The following SLC4A4 variants were observed in gnomAD, a reference collection of about 807,000 sequenced individuals.
The protein encoded by SLC4A4 is solute carrier family 4 member 4.
A neutral mutation model predicts 111.5 loss-of-function variants in SLC4A4; 27 were observed. The ratio of observed to expected loss-of-function variants is 0.24; its 90% CI spans 0.18 to 0.33. The LOEUF (loss-of-function observed/expected upper bound fraction) is 0.33, where lower values mean the gene tolerates loss of function less well. Among genes scored for constraint, SLC4A4 ranks in the 10% least tolerant of loss-of-function variants. The probability of loss-of-function intolerance (pLI) is 1.00; values close to 1 mark genes in which losing one functional copy is unlikely to be tolerated. For missense variants in SLC4A4, 909 were observed against 1,315.5 expected, an observed-to-expected ratio of 0.69 and a Z score of 4.78; for synonymous variants, 443 against 463.4, an observed-to-expected ratio of 0.96 and a Z score of 0.57.
intron 7 of SLC4A4, among the ~76,000 whole-genome samples, chr4:71,429,693 AT>A (rs1429995419): frequency 6.6e-6 from 1 of 152,106 alleles, no homozygotes; most frequent in Non-Finnish European, 1.5e-5. Context: ...GGCTAAAGGA[AT>A]TTTTGTTTTT....
intron 1 of SLC4A4, among the ~76,000 whole-genome samples, chr4:71,210,478 G>T (rs1718067712): frequency 6.6e-6 from 1 of 152,206 alleles, no homozygotes; most frequent in South Asian, 2.1e-4. Context: ...GCAATGCATT[G>T]TATGTGTTAA....
At chr4:71,224,519 G>A (rs1371919671) in intron 1 of SLC4A4, among the ~76,000 whole-genome samples, 1 of 152,106 alleles carries the variant, frequency 6.6e-6, no homozygotes, top group Admixed American at 6.5e-5. Flanking sequence ...CAGATATGAT[G>A]GTGATAAAAA....
intron 2 of SLC4A4, among the ~76,000 whole-genome samples, chr4:71,100,526 A>G (rs905436672): frequency 4.6e-5 from 7 of 152,160 alleles, no homozygotes; most frequent in Non-Finnish European, 8.8e-5. Context: ...ACCCCCCTTG[A>G]AAACTGACAC....
intron 1 of SLC4A4, among the ~76,000 whole-genome samples, chr4:71,234,364 T>G (rs1397134373): frequency 6.6e-6 from 1 of 152,230 alleles, no homozygotes. Context: ...TGAATATACT[T>G]TATCATTTAA....
chr4:71,356,971 G>C, intron 5 of SLC4A4, 37 bp from the exon 6 acceptor site: 1 of 1,604,426 alleles, frequency 6.2e-7, no homozygotes, highest in Non-Finnish European at 8.5e-7. Flanking sequence ...GTGGTCTTGT[G>C]ACTGAGTTTT....
intron 4 of SLC4A4, among the ~76,000 whole-genome samples, chr4:71,348,799 C>T (rs569186559): frequency 1.9e-4 from 29 of 152,092 alleles, no homozygotes; most frequent in African/African-American, 7.0e-4. Flanking sequence ...TAAATAATAC[C>T]CTATGTAGAG....
At chr4:71,329,333 AT>A (rs201373586) in intron 3 of SLC4A4, among the ~76,000 whole-genome samples, 3 of 151,158 alleles carry the variant, frequency 2.0e-5, no homozygotes, top group African/African-American at 2.4e-5. Context: ...AGATTGTAGG[AT>A]TTTTTTTTCT....
chr4:71,510,011 C>A (rs148512132), intron 16 of SLC4A4, among the ~76,000 whole-genome samples: 21 of 152,188 alleles, frequency 1.4e-4, no homozygotes, highest in African/African-American at 5.1e-4. Flanking sequence ...CCTTAGTTTG[C>A]AGGGTAGAGT....
rs1353598181 is a variant in SLC4A4, at chr4:71,278,109, C to T, written c.253+22710C>T. Among the ~76,000 whole-genome samples the T allele has an allele frequency of 2.0e-5, 3 of 152,230 alleles. 1 individual carries two copies. In the East Asian group the frequency reaches 5.8e-4, roughly 29 times the overall value. On this transcript the variant is annotated intron_variant, in intron 3 of 25. Transcript: ENST00000264485. ...AACATCTCCCCATTCTCCCAACCTC[C>T]CAGCCCCTGGTAACTGCCCTTTTAC... is the stretch of plus-strand genomic sequence containing the variant.
intron 6 of SLC4A4, among the ~76,000 whole-genome samples, chr4:71,367,471 C>A (rs143342220): frequency 5.9e-5 from 9 of 152,268 alleles, no homozygotes; most frequent in Non-Finnish European, 1.3e-4. Context: ...TAGCCTAATT[C>A]ATTTAATTTA....
chr4:71,229,504 T>C (rs1719265389), intron 1 of SLC4A4, among the ~76,000 whole-genome samples: 2 of 152,218 alleles, frequency 1.3e-5, no homozygotes, highest in Admixed American at 6.5e-5. Flanking sequence ...TTTCACCTTT[T>C]ATCCAGTTCT....
chr4:71,562,285 G>T (rs1053015444), intron 23 of SLC4A4, among the ~76,000 whole-genome samples: 1 of 151,632 alleles, frequency 6.6e-6, no homozygotes, highest in Non-Finnish European at 1.5e-5. Flanking sequence ...TTTAGAGTAC[G>T]TCTGTGCAGT....
intron 1 of SLC4A4, among the ~76,000 whole-genome samples, chr4:71,210,714 A>T (rs1404663452): frequency 6.6e-6 from 1 of 152,222 alleles, no homozygotes; most frequent in Non-Finnish European, 1.5e-5. Flanking sequence ...TTAAATCTTG[A>T]AAAAGTATAT....
intron 2 of SLC4A4, among the ~76,000 whole-genome samples, chr4:71,095,979 A>G (rs1742534347): frequency 6.6e-6 from 1 of 152,180 alleles, no homozygotes. Flanking sequence ...CATTTGAGCA[A>G]TTGGAGGGTA....
chr4:71,271,052 C>T (rs773695791), intron 3 of SLC4A4, among the ~76,000 whole-genome samples: 14 of 152,186 alleles, frequency 9.2e-5, no homozygotes, highest in Non-Finnish European at 1.9e-4. Context: ...GTGCCCACCA[C>T]TACACATCTT....
At chr4:71,504,662 ATGG>A (rs1175969810) in intron 16 of SLC4A4, among the ~76,000 whole-genome samples, 1 of 70,134 alleles carries the variant, frequency 1.4e-5, no homozygotes, top group Non-Finnish European at 2.4e-5. Flanking sequence ...ATTGTGTTTC[ATGG>A]GGGGGGGGGT....
intron 6 of SLC4A4, among the ~76,000 whole-genome samples, chr4:71,379,382 C>T (rs754945330): frequency 1.1e-4 from 16 of 152,142 alleles, no homozygotes; most frequent in Non-Finnish European, 1.8e-4. Flanking sequence ...GATCCCATGC[C>T]TTGCAATCTC....
intron 2 of SLC4A4, among the ~76,000 whole-genome samples, chr4:71,145,574 T>C (rs1744140470): frequency 1.3e-5 from 2 of 148,856 alleles, no homozygotes; most frequent in South Asian, 2.3e-4. Context: ...ATCCATCTGG[T>C]CCTGGATTTT....
At chr4:71,267,953 A>C (rs943686797) in intron 3 of SLC4A4, among the ~76,000 whole-genome samples, 4 of 151,946 alleles carry the variant, frequency 2.6e-5, no homozygotes, top group African/African-American at 9.7e-5. Context: ...CTTTATGGTT[A>C]TGATTCTGTG....
Sources: gnomAD v4.1 joint callset for allele counts (sites outside exome capture counted in the v4.1 genomes callset) on GRCh38, gnomAD v4.1.1 for gene constraint, MANE v1.5 for transcripts, NCBI Gene and HGNC (gene_info 2026-07-23, HGNC 2026-07-21) for gene names.